MAP4: variants seen among roughly 807,000 people sequenced by gnomAD.
MAP4 encodes the protein microtubule associated protein 4.
In MAP4, 76 loss-of-function variants were observed where a neutral mutation model predicts 170.2. The observed-to-expected ratio is 0.45, with a 90% confidence interval of 0.37 to 0.54. MAP4 has a LOEUF of 0.54. Ranked by LOEUF, MAP4 falls within the 20% of genes least tolerant of loss-of-function variation. The probability of loss-of-function intolerance (pLI) is 0.00; values close to 1 mark genes in which losing one functional copy is unlikely to be tolerated. For synonymous variants in MAP4, 909 were observed against 994.5 expected, an observed-to-expected ratio of 0.91 and a Z score of 1.62; for missense variants, 2,506 against 2,748.0, an observed-to-expected ratio of 0.91 and a Z score of 1.97.
chr3:48,030,763 C>T (rs1241845894), intron 1 of MAP4, among the ~76,000 whole-genome samples: 2 of 129,332 alleles, frequency 1.5e-5, no homozygotes, highest in South Asian at 4.8e-4. Flanking sequence ...TGTACCACTG[C>T]ACTCCAGCCT....
At chr3:47,946,128 A>T (rs376003635) in intron 3 of MAP4, among the ~76,000 whole-genome samples, 2 of 147,818 alleles carry the variant, frequency 1.4e-5, no homozygotes, top group East Asian at 4.0e-4. Flanking sequence ...TAGTTTTAGT[A>T]GAGATGGGGT....
chr3:47,922,860 T>C (rs1327714117), intron 4 of MAP4, among the ~76,000 whole-genome samples: 1 of 152,038 alleles, frequency 6.6e-6, no homozygotes, highest in Non-Finnish European at 1.5e-5. Context: ...CCATCCTGGC[T>C]AATAGAGTGA....
chr3:47,880,261 T>A (rs1380548874), intron 10 of MAP4, among the ~76,000 whole-genome samples: 1 of 85,574 alleles, frequency 1.2e-5, no homozygotes, highest in Non-Finnish European at 2.0e-5. Flanking sequence ...CCTGGCTAAT[T>A]TTTTTTTTTT....
At chr3:47,908,958 G>C (rs1258486360) in intron 9 of MAP4, 80 bp downstream of exon 9, 1 of 1,419,048 alleles carries the variant, frequency 7.0e-7, no homozygotes, top group Non-Finnish European at 9.6e-7. Flanking sequence ...TCTGGATGGA[G>C]CCAAGACACA....
In MAP4 at chr3:48,087,235, A is replaced by G. The variant is rs564241236; in HGVS notation, c.-20+1538T>C. ...ATGTCCCAATCTTTGGAGTTGAGAA[A>G]AGCAAAGTTTAAAAGTTGCAAGTAA... On this transcript the variant is annotated intron_variant, in intron 1 of 18. Coordinates refer to the MAP4 transcript ENST00000360240. Among the ~76,000 whole-genome samples, 23 of 152,336 alleles carry G rather than the reference A, an allele frequency of 1.5e-4. No homozygotes were observed. The South Asian group carries it at 4.8e-3, about 32-fold the overall frequency.
intron 15 of MAP4, among the ~76,000 whole-genome samples, chr3:47,869,862 A>G (rs751108855): frequency 1.2e-4 from 18 of 152,266 alleles, no homozygotes; most frequent in Admixed American, 4.6e-4. Flanking sequence ...AGACGGGGAG[A>G]TAGGCCATCA....
In MAP4 at chr3:48,068,874, A is replaced by G. The variant is rs532083415; in HGVS notation, c.-20+19899T>C. ...TCATTCATACCTATGCACAATATGT[A>G]TAGCATTTACAGTGTGTATCATGAC... is the stretch of plus-strand genomic sequence containing the variant. On this transcript the variant is annotated intron_variant, in intron 1 of 18. Transcript: ENST00000360240. 7.2e-5 allele frequency among the ~76,000 whole-genome samples: 11 copies of G among 152,356 alleles called. No homozygotes were observed. In the East Asian group the frequency reaches 2.1e-3, roughly 29 times the overall value.
chr3:47,991,826 G>A (rs1337006434), intron 2 of MAP4, among the ~76,000 whole-genome samples: 6 of 151,970 alleles, frequency 3.9e-5, no homozygotes, highest in East Asian at 1.9e-4. Flanking sequence ...CCACCACCAC[G>A]CCCAGCTAAT....
chr3:48,053,918 A>C (rs970178802), intron 1 of MAP4, among the ~76,000 whole-genome samples: 2 of 152,214 alleles, frequency 1.3e-5, no homozygotes, highest in Non-Finnish European at 1.5e-5. Flanking sequence ...AAGAATATAT[A>C]TGAAAATGTT....
Position 47,917,172 on chromosome 3 carries a change from G to C in MAP4, c.655C>G (p.Pro219Ala), listed in dbSNP as rs377397680. 4 of 1,609,004 alleles carry C rather than the reference G, an allele frequency of 2.5e-6. No homozygotes were observed. Among genetic ancestry groups the C allele is most frequent in the Non-Finnish European group, 3.4e-6 (4 of 1,177,804 alleles). Residue 219 changes from proline to alanine, a missense_variant and splice_region_variant, in exon 7 of 21, where the codon CCC becomes GCC. By Grantham distance (27) the Pro-to-Ala change is conservative. Coordinates refer to ENST00000683076, the MANE Select transcript of MAP4 (RefSeq NM_001385682.1). Reference protein sequence around the residue: ...VAEPPQPTAVPLELAKEIEMA... With the variant: ...VAEPPQPTAVALELAKEIEMA... The stretch of plus-strand genomic sequence containing the variant: ...TCTATCTCCTTGGCTAGCTCTAAGG[G>C]AACTAAATTGGAAATTTAGGACACA...
chr3:48,075,442 T>C (rs1372656019), intron 1 of MAP4, among the ~76,000 whole-genome samples: 1 of 151,796 alleles, frequency 6.6e-6, no homozygotes, highest in Admixed American at 6.6e-5. Context: ...GGAGAATTGC[T>C]TGAACCTGGA....
chr3:48,026,485 AT>A (rs1158355187), intron 1 of MAP4, among the ~76,000 whole-genome samples: 1 of 152,206 alleles, frequency 6.6e-6, no homozygotes, highest in Non-Finnish European at 1.5e-5. Flanking sequence ...AGAAACGAAT[AT>A]ATTTTTACAA....
chr3:47,890,110 C>T (rs1419604176), intron 10 of MAP4, among the ~76,000 whole-genome samples: 2 of 151,746 alleles, frequency 1.3e-5, no homozygotes, highest in African/African-American at 4.8e-5. Context: ...ACAAGCAAAA[C>T]ACATGTTTTA....
intron 9 of MAP4, among the ~76,000 whole-genome samples, chr3:47,908,042 A>G (rs2100034047): frequency 7.0e-6 from 1 of 142,158 alleles, no homozygotes; most frequent in African/African-American, 2.5e-5. Context: ...ACTAAAACCA[A>G]TTGGTGTTTT....
At chr3:48,067,771 C>T (rs2100139025) in intron 1 of MAP4, among the ~76,000 whole-genome samples, 1 of 151,832 alleles carries the variant, frequency 6.6e-6, no homozygotes, top group South Asian at 2.1e-4. Context: ...TCCCGAGTAG[C>T]TGGGATTATA....
intron 3 of MAP4, among the ~76,000 whole-genome samples, chr3:47,942,312 G>A (rs961641434): frequency 6.6e-6 from 1 of 152,040 alleles, no homozygotes; most frequent in Admixed American, 6.6e-5. Context: ...TCACAGAAAA[G>A]AAAGGGGAAA....
chr3:47,950,832 A>G (rs997355356), intron 3 of MAP4, among the ~76,000 whole-genome samples: 4 of 152,102 alleles, frequency 2.6e-5, no homozygotes, highest in African/African-American at 9.7e-5. Context: ...AGGAATATTC[A>G]CCTGACAGTT....
At chr3:47,932,237 C>T (rs932318825) in intron 3 of MAP4, among the ~76,000 whole-genome samples, 1 of 152,188 alleles carries the variant, frequency 6.6e-6, no homozygotes, top group African/African-American at 2.4e-5. Flanking sequence ...CAAGGTTCAT[C>T]CATGCTGTAG....
intron 3 of MAP4, chr3:47,974,764 CAA>C (rs879174953): frequency 5.0e-4 from 373 of 746,674 alleles, no homozygotes; most frequent in Middle Eastern, 6.8e-4. Flanking sequence ...AGTCCGTCTC[CAA>C]AAAAAAAAAA....
Sources: allele counts gnomAD v4.1 joint callset (sites outside exome capture counted in the v4.1 genomes callset), GRCh38; gene constraint gnomAD v4.1.1; transcripts MANE v1.5; gene names NCBI Gene and HGNC (gene_info 2026-07-23, HGNC 2026-07-21).